Variants in CSMD2 observed in about 807,000 individuals in gnomAD.
The protein encoded by CSMD2 is CUB and sushi domain-containing protein 2.
CSMD2 carries 130 observed loss-of-function variants against 398.5 expected under a neutral mutation model. The ratio of observed to expected loss-of-function variants is 0.33; its 90% CI spans 0.28 to 0.38. The LOEUF is 0.38. Ranked by LOEUF, CSMD2 falls within the 10% of genes least tolerant of loss-of-function variation. The pLI is 1.00. For missense variants in CSMD2, 3,829 were observed against 4,764.9 expected (o/e 0.80, Z 5.78); for synonymous variants, 1,828 against 1,908.5 (o/e 0.96, Z 1.10).
intron 5 of CSMD2, among the ~76,000 whole-genome samples, chr1:33,859,968 T>G (rs1393638411): frequency 6.6e-6 from 1 of 152,172 alleles, no homozygotes; most frequent in African/African-American, 2.4e-5. Flanking sequence ...TTTAAAAAAA[T>G]GTTATTTTGA....
chr1:34,001,637 G>C (rs535744844), intron 3 of CSMD2, among the ~76,000 whole-genome samples: 1 of 152,268 alleles, frequency 6.6e-6, no homozygotes, highest in African/African-American at 2.4e-5. Context: ...AGTGGACTCT[G>C]GCAAATGAAG....
chr1:34,093,259 C>T (rs571050945), intron 1 of CSMD2, among the ~76,000 whole-genome samples: 2 of 152,326 alleles, frequency 1.3e-5, no homozygotes, highest in South Asian at 4.1e-4. Flanking sequence ...CCCATCTGTA[C>T]ATCGCCATCA....
At chr1:33,858,107 C>G (rs969416311) in intron 5 of CSMD2, among the ~76,000 whole-genome samples, 3 of 152,192 alleles carry the variant, frequency 2.0e-5, no homozygotes, top group Non-Finnish European at 2.9e-5. Context: ...GACACTTCGC[C>G]TGGCTTTGGC....
At chr1:33,724,414 C>T (rs1452216426) in intron 18 of CSMD2, 101 bp from the exon 19 acceptor site, 5 of 1,528,992 alleles carry the variant, frequency 3.3e-6, no homozygotes, top group African/African-American at 2.7e-5. Flanking sequence ...AAAGCCCAAC[C>T]TTCGCTGATG....
At chr1:33,893,423 G>A (rs1642181366) in intron 5 of CSMD2, among the ~76,000 whole-genome samples, 1 of 152,218 alleles carries the variant, frequency 6.6e-6, no homozygotes, top group Admixed American at 6.5e-5. Flanking sequence ...AGAGGGGAAA[G>A]GATGGGGAAG....
intron 17 of CSMD2, among the ~76,000 whole-genome samples, chr1:33,725,108 G>A (rs939386935): frequency 6.6e-6 from 1 of 152,198 alleles, no homozygotes; most frequent in African/African-American, 2.4e-5. Flanking sequence ...CCAATCACCT[G>A]CCAGGAGGTC....
At chr1:33,840,513 C>T (rs1006275656) in intron 6 of CSMD2, among the ~76,000 whole-genome samples, 14 of 152,212 alleles carry the variant, frequency 9.2e-5, no homozygotes, top group African/African-American at 3.4e-4. Flanking sequence ...CTAGCTGTTG[C>T]CCCATGAGCT....
chr1:33,858,668 G>A (rs1639270597), intron 5 of CSMD2, among the ~76,000 whole-genome samples: 1 of 152,182 alleles, frequency 6.6e-6, no homozygotes, highest in Admixed American at 6.5e-5. Flanking sequence ...CTTATGGCCT[G>A]GCCTCCCTAT....
intron 22 of CSMD2, among the ~76,000 whole-genome samples, chr1:33,702,190 C>T (rs1422422122): frequency 6.6e-6 from 1 of 152,080 alleles, no homozygotes; most frequent in African/African-American, 2.4e-5. Flanking sequence ...GAGGGAGAAA[C>T]CTACAGATTA....
chr1:33,705,574 A>T (rs1426205174), intron 22 of CSMD2, among the ~76,000 whole-genome samples: 1 of 152,106 alleles, frequency 6.6e-6, no homozygotes, highest in African/African-American at 2.4e-5. Flanking sequence ...TTACCTGTAA[A>T]ATAGTTAAGG....
chr1:34,097,892 A>T (rs1659519969), intron 1 of CSMD2, among the ~76,000 whole-genome samples: 1 of 119,840 alleles, frequency 8.3e-6, no homozygotes, highest in Admixed American at 9.1e-5. Flanking sequence ...ATACCATTTG[A>T]CCCAGCCATC....
chr1:34,108,977 G>A (rs887605597), intron 1 of CSMD2, among the ~76,000 whole-genome samples: 2 of 152,108 alleles, frequency 1.3e-5, no homozygotes, highest in African/African-American at 4.8e-5. Context: ...AAGCATGAGG[G>A]CCAGCATCAA....
intron 25 of CSMD2, among the ~76,000 whole-genome samples, chr1:33,681,891 G>A (rs977642887): frequency 4.6e-5 from 7 of 152,260 alleles, no homozygotes; most frequent in South Asian, 2.1e-4. Context: ...ACTTGAACCC[G>A]GGAGGTGGAG....
intron 2 of CSMD2, among the ~76,000 whole-genome samples, chr1:34,050,222 T>C (rs2148220383): frequency 6.6e-6 from 1 of 152,350 alleles, no homozygotes; most frequent in Non-Finnish European, 1.5e-5. Context: ...ATAAGCCAAC[T>C]ACCCTGGTGG....
Position 33,698,783 on chromosome 1 carries a change from T to C in CSMD2, c.3895A>G (p.Thr1299Ala), listed in dbSNP as rs1224293972. 1 of 1,613,582 alleles carries C rather than the reference T, an allele frequency of 6.2e-7. No homozygotes were observed. Among genetic ancestry groups the C allele is most frequent in the Non-Finnish European group, 8.5e-7 (1 of 1,179,826 alleles). ...CAGGTGGGCAGAGGCCGGTCCCAGG[T>C]CCGGCGCTCTCCACTCAGACACAGC... is the stretch of plus-strand genomic sequence containing the variant. ...ELLCLSGERR[T>A]WDRPLPTCVA... The change falls in exon 24 of 71, where the codon ACC becomes GCC. Residue 1299 changes from threonine to alanine, a missense_variant. Physicochemically the swap from Thr to Ala is moderately conservative, Grantham distance 58 (BLOSUM62 0). Around this residue, in one of 5 missense-constraint regions of CSMD2, gnomAD observed 2,001 missense variants for 2,567.1 expected, o/e 0.78. Transcript: ENST00000373381.
intron 11 of CSMD2, among the ~76,000 whole-genome samples, chr1:33,791,945 A>C (rs1654367348): frequency 6.6e-6 from 1 of 152,178 alleles, no homozygotes; most frequent in Non-Finnish European, 1.5e-5. Flanking sequence ...TGGCTCAGGA[A>C]GTGTGGCCAC....
chr1:33,942,300 T>A (rs1644701413), intron 3 of CSMD2, among the ~76,000 whole-genome samples: 4 of 152,238 alleles, frequency 2.6e-5, no homozygotes, highest in Admixed American at 2.6e-4. Context: ...AGGAAGTCCA[T>A]AGTGACTACT....
intron 2 of CSMD2, among the ~76,000 whole-genome samples, chr1:34,055,960 C>T (rs1194095094): frequency 6.6e-6 from 1 of 152,178 alleles, no homozygotes; most frequent in Non-Finnish European, 1.5e-5. Flanking sequence ...CATTAGCATT[C>T]ATAAGATGTG....
chr1:34,158,228 C>T (rs113999012), intron 1 of CSMD2, among the ~76,000 whole-genome samples: 1,965 of 152,248 alleles, frequency 0.013, 15 homozygotes, highest in Non-Finnish European at 0.021. Flanking sequence ...TTCTGTGGGT[C>T]CAAGGGAAAA....
Sources: gnomAD v4.1 joint callset for allele counts (sites outside exome capture counted in the v4.1 genomes callset) on GRCh38, gnomAD v4.1.1 for gene constraint, gnomAD v4.1.1 regional missense constraint, MANE v1.5 for transcripts, NCBI Gene and HGNC (gene_info 2026-07-23, HGNC 2026-07-21) for gene names.